The following MGAM variants were observed in gnomAD, a reference collection of about 807,000 sequenced individuals.
The protein encoded by MGAM is alpha-1,4-glucosidase.
In MGAM, 253 loss-of-function variants were observed where a neutral mutation model predicts 358.8. That is an observed-to-expected ratio of 0.71 (90% CI 0.64 to 0.78). The LOEUF is 0.78. Ranked by LOEUF, MGAM falls within the 30% of genes least tolerant of loss-of-function variation. MGAM has a pLI of 0.00. For synonymous variants in MGAM, 1,105 were observed against 1,227.1 expected (o/e 0.90, Z 2.08); for missense variants, 3,080 against 3,432.6 (o/e 0.90, Z 2.57).
chr7:142,100,853 T>C lies in MGAM; in HGVS notation c.7926T>C (p.Ala2642=), dbSNP rs1355768907. The C allele has an allele frequency of 3.1e-6, 5 of 1,613,304 alleles. No homozygotes were observed. The East Asian group carries it at 8.9e-5, about 29-fold the overall frequency. ...TTGCCTTGGATGATGAAGGAACTGC[T>C]GGGGGCTGGCTCTTCTGGGATGATG... The part of the protein sequence containing the change: ...FKIALDDEGT[A]GGWLFWDDGQ... The change falls in exon 68 of 71, where the codon GCT becomes GCC. Residue 2642 remains alanine, a synonymous_variant. Coordinates refer to ENST00000475668, the MANE Select transcript of MGAM (RefSeq NM_001365693.1).
rs1554464939 is a variant in MGAM, at chr7:142,034,287, C to A, written c.1695C>A (p.Cys565Ter). 1 of 1,597,204 alleles carries A rather than the reference C, an allele frequency of 6.3e-7. No individual in the cohort carries two copies. Among genetic ancestry groups the A allele is most frequent in the Non-Finnish European group, 8.5e-7 (1 of 1,171,594 alleles). Residue 565 changes from cysteine (C) to a stop codon, truncating the protein, a stop_gained, in exon 15 of 71, where the codon TGC (cysteine) becomes TGA (stop). Coordinates refer to ENST00000475668, the MANE Select transcript of MGAM (RefSeq NM_001365693.1). LOFTEE classifies it high-confidence loss of function. Reference protein sequence around the residue: ...TPRILDGYLFCKTLCMDAVQH... With the variant: ...TPRILDGYLF ...GAATCCTGGATGGGTACCTGTTCTG[C>A]AAGACTCTCTGTATGGATGCAGTGC... is the stretch of plus-strand genomic sequence containing the variant.
In MGAM at chr7:142,094,516, G is replaced by C; in HGVS notation, c.7306+19G>C. On this transcript the variant is annotated intron_variant, in intron 61 of 70. Coordinates refer to ENST00000475668, the MANE Select transcript of MGAM (RefSeq NM_001365693.1). ...ATCATTGGTGCGTGGGTCCTTCCCA[G>C]GGCCTGTGCCGGTAGGGCAGGGAGT... 6.4e-7 allele frequency: 1 copy of C among 1,552,558 alleles called. No homozygotes were observed.
intron 16 of MGAM, 132 bp from the exon 17 acceptor site, chr7:142,036,036 CA>C: frequency 6.2e-6 from 4 of 647,384 alleles, no homozygotes; most frequent in Non-Finnish European, 1.1e-5. Context: ...AGGCTATGAC[CA>C]AATTTTGACC....
intron 33 of MGAM, 113 bp downstream of exon 33, chr7:142,060,079 T>C (rs1411627184): frequency 5.9e-5 from 78 of 1,328,868 alleles, no homozygotes; most frequent in Non-Finnish European, 7.9e-5. Flanking sequence ...CTTTTCTATT[T>C]GGGCTCTGAG....
In MGAM at chr7:142,102,000, G is replaced by C. The variant is rs375104765; in HGVS notation, c.7964-630G>C. 1.4e-4 allele frequency among the ~76,000 whole-genome samples: 22 copies of C among 152,002 alleles called. No individual in the cohort carries two copies. In the South Asian group the frequency reaches 4.6e-3, roughly 32 times the overall value. On this transcript the variant is annotated intron_variant, in intron 68 of 70. Transcript: ENST00000475668. ...AAAGAGTGTGACAGCCACGAGGGCAGGGTGTAGGATGGGAATACTTGAAAC... is the reference window on the plus strand; with the variant it reads ...AAAGAGTGTGACAGCCACGAGGGCACGGTGTAGGATGGGAATACTTGAAAC...
chr7:142,088,695 T>C (rs191942083), intron 57 of MGAM, among the ~76,000 whole-genome samples: 14 of 127,934 alleles, frequency 1.1e-4, no homozygotes, highest in African/African-American at 2.0e-4. Context: ...TCTATCTATC[T>C]ATCCATCCAG....
intron 2 of MGAM, 113 bp downstream of exon 2, chr7:142,005,770 G>T: frequency 9.2e-7 from 1 of 1,090,920 alleles, no homozygotes; most frequent in Non-Finnish European, 1.3e-6. Context: ...TTGTTGCGGG[G>T]GCTGTTATAT....
At chr7:142,014,023 T>C (rs890506205) in intron 3 of MGAM, among the ~76,000 whole-genome samples, 4 of 152,182 alleles carry the variant, frequency 2.6e-5, no homozygotes, top group Admixed American at 2.0e-4. Context: ...TTAATAACCA[T>C]TGGTCTAGAG....
intron 3 of MGAM, among the ~76,000 whole-genome samples, chr7:142,014,069 C>T (rs1400400879): frequency 3.9e-5 from 6 of 152,230 alleles, no homozygotes; most frequent in South Asian, 2.1e-4. Context: ...ATTAGCATCA[C>T]GTAGAGAGCT....
At chr7:142,088,719 T>TTCTTTCTGTCTG (rs1222257848) in intron 57 of MGAM, among the ~76,000 whole-genome samples, 1 of 123,800 alleles carries the variant, frequency 8.1e-6, no homozygotes, top group African/African-American at 3.1e-5. Flanking sequence ...CCCTATTCAT[T>TTCTTTCTGTCTG]TATGTCTGTC....
chr7:142,079,647 A>T (rs1245561386), intron 49 of MGAM, among the ~76,000 whole-genome samples: 1 of 146,146 alleles, frequency 6.8e-6, no homozygotes, highest in African/African-American at 2.4e-5. Context: ...CTGCTTCTCT[A>T]TTAAACTAAT....
chr7:142,097,854 C>T (rs901883038), intron 66 of MGAM, among the ~76,000 whole-genome samples: 12 of 150,456 alleles, frequency 8.0e-5, no homozygotes, highest in African/African-American at 2.5e-4. Flanking sequence ...TGTGAAATGA[C>T]ACATAAAGCA....
chr7:142,015,268 G>A (rs1270861356), intron 3 of MGAM, among the ~76,000 whole-genome samples: 1 of 151,992 alleles, frequency 6.6e-6, no homozygotes, highest in Non-Finnish European at 1.5e-5. Context: ...TCATTCATGT[G>A]ATTCTGGATT....
Position 142,036,204 on chromosome 7 carries a change from C to A in MGAM, c.1995C>A (p.Thr665=). ...GPDICGFALD[T]PEELCRRWMQ... Reference sequence around the variant, plus strand: ...ACATATGTGGCTTTGCTTTGGACACCCCTGAGGAGCTCTGTAGGCGGTGGA... The same window carrying A: ...ACATATGTGGCTTTGCTTTGGACACACCTGAGGAGCTCTGTAGGCGGTGGA... Residue 665 remains threonine (T), a synonymous_variant, in exon 17 of 71, where the codon ACC becomes ACA. Transcript: ENST00000475668. 1 of 1,612,204 alleles carries A rather than the reference C, an allele frequency of 6.2e-7. No homozygotes were observed. The highest frequency in any genetic ancestry group is 8.5e-7 in the Non-Finnish European group (1 of 1,179,246).
chr7:142,033,680 T>C (rs997847522), intron 14 of MGAM, among the ~76,000 whole-genome samples: 4 of 152,152 alleles, frequency 2.6e-5, no homozygotes, highest in African/African-American at 9.7e-5. Flanking sequence ...AGAAGCATGG[T>C]AGTCAGATGA....
At chr7:142,069,669 C>T (rs1445887016) in intron 43 of MGAM, among the ~76,000 whole-genome samples, 2 of 145,524 alleles carry the variant, frequency 1.4e-5, no homozygotes, top group Admixed American at 1.4e-4. Flanking sequence ...TCCACAGCCC[C>T]AGACTCCTCT....
chr7:142,088,138 A>G (rs1814925442), intron 57 of MGAM, among the ~76,000 whole-genome samples: 1 of 146,200 alleles, frequency 6.8e-6, no homozygotes, highest in Non-Finnish European at 1.5e-5. Flanking sequence ...TGGTACTGCA[A>G]ACACGTGATG....
intron 57 of MGAM, among the ~76,000 whole-genome samples, chr7:142,088,747 G>GTCTGTCTGTCTGTCTGTCTA (rs1311472109): frequency 6.4e-5 from 6 of 93,462 alleles, no homozygotes; most frequent in African/African-American, 2.7e-4. Flanking sequence ...CTGTCTGTCT[G>GTCTGTCTGTCTGTCTGTCTA]TCTATCTATC....
At chr7:142,040,443 A>G in intron 20 of MGAM, 1 of 581,648 alleles carries the variant, frequency 1.7e-6, no homozygotes, top group Non-Finnish European at 3.0e-6. Context: ...ACTGATGGAC[A>G]ATGTGAGCTT....
Sources: allele counts gnomAD v4.1 joint callset (sites outside exome capture counted in the v4.1 genomes callset), GRCh38; gene constraint gnomAD v4.1.1; transcripts MANE v1.5; gene names NCBI Gene and HGNC (gene_info 2026-07-23, HGNC 2026-07-21).